Variants in PCDHA5 observed in about 807,000 individuals in gnomAD.
The protein encoded by PCDHA5 is protocadherin alpha-5.
PCDHA5 carries 43 observed loss-of-function variants against 61.6 expected under a neutral mutation model. The ratio of observed to expected loss-of-function variants is 0.70; its 90% CI spans 0.55 to 0.90. The LOEUF (loss-of-function observed/expected upper bound fraction) is 0.90. PCDHA5 is among the 40% of genes least tolerant of loss of function. The probability of loss-of-function intolerance (pLI) is 0.00; values close to 1 mark genes in which losing one functional copy is unlikely to be tolerated. For missense variants in PCDHA5, 1,298 were observed against 1,222.7 expected, an observed-to-expected ratio of 1.06 and a Z score of -0.92; for synonymous variants, 627 against 543.9, an observed-to-expected ratio of 1.15 and a Z score of -2.13.
intron 1 of PCDHA5, among the ~76,000 whole-genome samples, chr5:140,839,780 T>G (rs1258121900): frequency 2.0e-5 from 3 of 152,092 alleles, no homozygotes; most frequent in African/African-American, 7.2e-5. Context: ...GGTAAGAATT[T>G]TGTAGAAATT....
At chr5:140,842,000 C>G in intron 1 of PCDHA5, 1 of 1,613,786 alleles carries the variant, frequency 6.2e-7, no homozygotes, top group Non-Finnish European at 8.5e-7. Context: ...AGGCACTGTT[C>G]AGCTGCTGGT....
intron 1 of PCDHA5, among the ~76,000 whole-genome samples, chr5:140,831,515 C>T (rs1771580711): frequency 2.3e-5 from 3 of 128,830 alleles, no homozygotes; most frequent in Admixed American, 1.7e-4. Flanking sequence ...CACCATGCCC[C>T]CCACCTTTTT....
intron 1 of PCDHA5, among the ~76,000 whole-genome samples, chr5:140,977,651 G>T (rs1554238723): frequency 6.6e-6 from 1 of 152,136 alleles, no homozygotes; most frequent in East Asian, 1.9e-4. Flanking sequence ...CCTTGACTTT[G>T]GCTAATTCTC....
chr5:140,897,368 GTTCCC>G (rs533733561), intron 1 of PCDHA5, among the ~76,000 whole-genome samples: 1,322 of 125,926 alleles, frequency 0.01, 14 homozygotes, highest in African/African-American at 0.03. Flanking sequence ...AGAGTGTGAT[GTTCCC>G]TTCCCCTTCC....
chr5:141,000,419 A>ATTTTT (rs1563652468), intron 3 of PCDHA5, among the ~76,000 whole-genome samples: 15 of 60,994 alleles, frequency 2.5e-4, no homozygotes, highest in East Asian at 5.4e-4. Flanking sequence ...ATATATATAT[A>ATTTTT]TATTTTTTTT....
chr5:140,966,702 G>T, intron 1 of PCDHA5: 1 of 1,367,880 alleles, frequency 7.3e-7, no homozygotes. Flanking sequence ...GCCCGGGCGT[G>T]GGGCACGGCT....
chr5:140,944,929 C>T (rs1387660974), intron 1 of PCDHA5, among the ~76,000 whole-genome samples: 1 of 152,052 alleles, frequency 6.6e-6, no homozygotes, highest in Non-Finnish European at 1.5e-5. Flanking sequence ...TGGTTTATGC[C>T]TTCTTTAGAT....
chr5:140,965,031 T>C (rs1211247687), intron 1 of PCDHA5, among the ~76,000 whole-genome samples: 3 of 152,208 alleles, frequency 2.0e-5, no homozygotes, highest in African/African-American at 7.2e-5. Flanking sequence ...CTCCTTTAAC[T>C]GTCCGCTCTA....
intron 1 of PCDHA5, chr5:140,824,613 T>TG (rs1768224029): frequency 8.2e-6 from 1 of 122,680 alleles, no homozygotes; most frequent in East Asian, 2.1e-4. Flanking sequence ...AATTAAAGTT[T>TG]TTTTTTTTTT....
intron 1 of PCDHA5, chr5:140,830,139 C>G (rs2150181764): frequency 1.2e-6 from 2 of 1,613,260 alleles, no homozygotes; most frequent in Non-Finnish European, 1.7e-6. Flanking sequence ...TCACGGGCGT[C>G]GGTGGGCGCC....
intron 3 of PCDHA5, among the ~76,000 whole-genome samples, chr5:141,005,659 G>T (rs963015988): frequency 1.6e-5 from 2 of 123,890 alleles, no homozygotes; most frequent in South Asian, 2.6e-4. Flanking sequence ...TCGAGATCGC[G>T]CCACTGCACT....
chr5:140,828,886 T>C lies in PCDHA5; in HGVS notation c.2352+4759T>C, dbSNP rs1485794831. On this transcript the variant is annotated intron_variant, in intron 1 of 3. Coordinates refer to ENST00000529859, the MANE Select transcript of PCDHA5 (RefSeq NM_018908.3). Reference sequence around the variant, plus strand: ...ACGGAACAACAGTTATCAGACTGAATGCTTCTGATCGGGATGAAGGAGCGA... The same window carrying C: ...ACGGAACAACAGTTATCAGACTGAACGCTTCTGATCGGGATGAAGGAGCGA... 7 of 1,614,126 alleles carry C rather than the reference T, an allele frequency of 4.3e-6. No individual in the cohort carries two copies. In the African/African-American group the frequency reaches 5.3e-5, roughly 12 times the overall value.
At chr5:140,921,958 A>G (rs155363) in intron 1 of PCDHA5, among the ~76,000 whole-genome samples, 87,659 of 151,706 alleles carry the variant, frequency 0.58, 26,267 homozygotes, top group African/African-American at 0.75. Flanking sequence ...AAATCCCAGA[A>G]AACCAAAGGA....
chr5:140,968,272 A>G (rs369285531), intron 1 of PCDHA5: 1 of 1,613,936 alleles, frequency 6.2e-7, no homozygotes, highest in African/African-American at 1.3e-5. Context: ...AGGAGAATGC[A>G]GAGGTGACCT....
At chr5:140,951,685 T>C (rs1305310211) in intron 1 of PCDHA5, among the ~76,000 whole-genome samples, 4 of 152,140 alleles carry the variant, frequency 2.6e-5, no homozygotes, top group African/African-American at 9.7e-5. Flanking sequence ...GGGATTACAA[T>C]GTGACATGAG....
At chr5:140,976,691 C>G (rs1219355793) in intron 1 of PCDHA5, among the ~76,000 whole-genome samples, 1 of 152,126 alleles carries the variant, frequency 6.6e-6, no homozygotes. Context: ...AATTTAAGTA[C>G]AATAATGTTG....
chr5:140,856,170 G>T, intron 1 of PCDHA5: 1 of 1,598,322 alleles, frequency 6.3e-7, no homozygotes, highest in Non-Finnish European at 8.6e-7. Context: ...GCCAGACACG[G>T]CACCTTCGTG....
chr5:140,967,503 G>C (rs369053625), intron 1 of PCDHA5: 1 of 1,612,938 alleles, frequency 6.2e-7, no homozygotes, highest in Non-Finnish European at 8.5e-7. Context: ...ATCTCTGTGC[G>C]TGTCCTGGAC....
chr5:140,952,418 A>G (rs1563257684), intron 1 of PCDHA5, among the ~76,000 whole-genome samples: 1 of 152,090 alleles, frequency 6.6e-6, no homozygotes, highest in South Asian at 2.1e-4. Context: ...AATGTTCCGC[A>G]GATTCCTACA....
Sources: allele counts gnomAD v4.1 joint callset (sites outside exome capture counted in the v4.1 genomes callset), GRCh38; gene constraint gnomAD v4.1.1; transcripts MANE v1.5; gene names NCBI Gene and HGNC (gene_info 2026-07-23, HGNC 2026-07-21).